Variants in REDIC1 observed in about 807,000 individuals in gnomAD.
REDIC1 encodes HEI10 Interacting Protein 1.
chr12:39,822,917 C>T, the REDIC1 span, among the ~76,000 whole-genome samples: 5 of 152,066 alleles, frequency 3.3e-5, no homozygotes, highest in Admixed American at 1.3e-4. Flanking sequence ...TTAATATGGA[C>T]GAGGGAGATA....
chr12:39,703,658 C>A, the REDIC1 span, among the ~76,000 whole-genome samples: 5 of 152,292 alleles, frequency 3.3e-5, no homozygotes, highest in East Asian at 3.9e-4. Context: ...CTGGAGGAAT[C>A]ACACTACCTG....
chr12:39,879,230 C>T, the REDIC1 span, among the ~76,000 whole-genome samples: 1 of 152,350 alleles, frequency 6.6e-6, no homozygotes, highest in African/African-American at 2.4e-5. Context: ...CACAGAGAAC[C>T]CCTACTAGGG....
At chr12:39,780,848 T>A in the REDIC1 span, among the ~76,000 whole-genome samples, 127,783 of 152,034 alleles carry the variant, frequency 0.84, 54,141 homozygotes, top group East Asian at 0.98. Flanking sequence ...AGAAATTTTT[T>A]AAAAAAACTT....
chr12:39,840,999 C>G, the REDIC1 span, among the ~76,000 whole-genome samples: 1 of 152,118 alleles, frequency 6.6e-6, no homozygotes, highest in Non-Finnish European at 1.5e-5. Context: ...AAGCTTGAAT[C>G]ACACCATGAA....
At chr12:39,766,692 G>T in the REDIC1 span, among the ~76,000 whole-genome samples, 1 of 152,036 alleles carries the variant, frequency 6.6e-6, no homozygotes, top group Non-Finnish European at 1.5e-5. Flanking sequence ...AACTAAGTTC[G>T]TGTGATACTG....
chr12:39,894,748 G>A, the REDIC1 span, among the ~76,000 whole-genome samples: 10 of 152,148 alleles, frequency 6.6e-5, no homozygotes, highest in East Asian at 1.9e-4. Flanking sequence ...GGTAAATACC[G>A]GCTTTGGCTG....
the REDIC1 span, among the ~76,000 whole-genome samples, chr12:39,819,303 C>CATTT: frequency 6.6e-6 from 1 of 151,958 alleles, no homozygotes; most frequent in Non-Finnish European, 1.5e-5. Context: ...TTTTTTTTCT[C>CATTT]ATTTATGTCA....
the REDIC1 span, chr12:39,647,825 C>T: frequency 2.5e-6 from 4 of 1,600,628 alleles, no homozygotes; most frequent in East Asian, 2.3e-5. Flanking sequence ...TATGCTTCAC[C>T]CTCAGTTCAG....
chr12:39,679,977 T>TAA, the REDIC1 span, among the ~76,000 whole-genome samples: 1 of 152,044 alleles, frequency 6.6e-6, no homozygotes, highest in Admixed American at 6.6e-5. Flanking sequence ...TCACCTTATA[T>TAA]AAAAATCAAG....
the REDIC1 span, among the ~76,000 whole-genome samples, chr12:39,668,910 C>A: frequency 6.6e-6 from 1 of 152,178 alleles, no homozygotes; most frequent in East Asian, 1.9e-4. Flanking sequence ...TCCATCAGGT[C>A]CTTTAAGGAC....
chr12:39,905,692 A>T, the REDIC1 span, among the ~76,000 whole-genome samples: 1 of 152,056 alleles, frequency 6.6e-6, no homozygotes, highest in Non-Finnish European at 1.5e-5. Flanking sequence ...ATTTTAAAAC[A>T]TGCTACAGAA....
At chr12:39,698,627 T>C in the REDIC1 span, among the ~76,000 whole-genome samples, 5 of 152,312 alleles carry the variant, frequency 3.3e-5, no homozygotes, top group Non-Finnish European at 7.4e-5. Flanking sequence ...TTTTAAAAAT[T>C]GAAATGATAT....
At chr12:39,776,466 C>T in the REDIC1 span, among the ~76,000 whole-genome samples, 1 of 152,148 alleles carries the variant, frequency 6.6e-6, no homozygotes, top group African/African-American at 2.4e-5. Context: ...GTGCTGTATA[C>T]CAGAGAATGA....
At chr12:39,787,590 C>T in the REDIC1 span, among the ~76,000 whole-genome samples, 1 of 152,074 alleles carries the variant, frequency 6.6e-6, no homozygotes, top group Non-Finnish European at 1.5e-5. Flanking sequence ...CCTCTTCAGT[C>T]CCTATTGAAA....
chr12:39,647,777 T>A, the REDIC1 span: 2 of 1,443,112 alleles, frequency 1.4e-6, no homozygotes, highest in South Asian at 3.1e-5. Context: ...AATGATTTTA[T>A]CTTCTTTCCT....
chr12:39,764,914 A>C, the REDIC1 span: 2 of 1,566,210 alleles, frequency 1.3e-6, no homozygotes, highest in Non-Finnish European at 8.7e-7. Context: ...CAGTTGCAGA[A>C]ATTCAATATG....
the REDIC1 span, among the ~76,000 whole-genome samples, chr12:39,666,669 G>C: frequency 1.3e-5 from 2 of 152,298 alleles, no homozygotes; most frequent in East Asian, 1.9e-4. Context: ...ACCTTTGGTA[G>C]AATTCGGCTG....
chr12:39,715,731 G>A, the REDIC1 span, among the ~76,000 whole-genome samples: 61 of 151,876 alleles, frequency 4.0e-4, no homozygotes, highest in African/African-American at 1.4e-3. Context: ...ATTTTCATTT[G>A]CATGCCCTTT....
the REDIC1 span, among the ~76,000 whole-genome samples, chr12:39,708,085 A>G: frequency 6.6e-6 from 1 of 151,864 alleles, no homozygotes; most frequent in African/African-American, 2.4e-5. Flanking sequence ...AATGAATAAG[A>G]TCTAGTATTT....
Sources: allele counts gnomAD v4.1 joint callset (sites outside exome capture counted in the v4.1 genomes callset), GRCh38; gene constraint gnomAD v4.1.1; transcripts MANE v1.5; gene names NCBI Gene and HGNC (gene_info 2026-07-23, HGNC 2026-07-21).